The following EYA3 variants were observed in gnomAD, a reference collection of about 807,000 sequenced individuals.
The protein encoded by EYA3 is protein phosphatase EYA3.
A neutral mutation model predicts 80.0 loss-of-function variants in EYA3; 39 were observed. The ratio of observed to expected loss-of-function variants is 0.49; its 90% CI spans 0.38 to 0.64. EYA3 has a LOEUF of 0.64. Ranked by LOEUF, EYA3 falls within the 30% of genes least tolerant of loss-of-function variation. EYA3 has a pLI of 0.00. For synonymous variants in EYA3, 206 were observed against 232.8 expected (o/e 0.88, Z 1.05); for missense variants, 523 against 676.1 (o/e 0.77, Z 2.51).
chr1:27,983,071 G>A (rs905344961), intron 16 of EYA3, among the ~76,000 whole-genome samples: 3 of 151,476 alleles, frequency 2.0e-5, no homozygotes, highest in Non-Finnish European at 4.4e-5. Flanking sequence ...TTACTCAAAG[G>A]TAGAGGTTAG....
At chr1:27,997,447 T>C in intron 12 of EYA3, 69 bp from the exon 13 acceptor site, 3 of 1,326,544 alleles carry the variant, frequency 2.3e-6, no homozygotes, top group Non-Finnish European at 3.3e-6. Flanking sequence ...TGACATACTA[T>C]AAAAAGACCA....
At chr1:28,065,588 T>TA (rs2148916839) in intron 1 of EYA3, among the ~76,000 whole-genome samples, 1 of 151,856 alleles carries the variant, frequency 6.6e-6, no homozygotes, top group South Asian at 2.1e-4. Context: ...AATCTCAGCA[T>TA]ATGATTTTTT....
chr1:27,979,597 T>C (rs1016431689), intron 16 of EYA3, among the ~76,000 whole-genome samples: 1 of 152,212 alleles, frequency 6.6e-6, no homozygotes, highest in Non-Finnish European at 1.5e-5. Flanking sequence ...AGATACTTTA[T>C]TTGTATAAAT....
intron 1 of EYA3, among the ~76,000 whole-genome samples, chr1:28,074,008 T>C (rs1006150799): frequency 4.1e-4 from 63 of 152,116 alleles, no homozygotes; most frequent in African/African-American, 1.4e-3. Context: ...GAACAATAAA[T>C]AGTTTATTTA....
At chr1:28,085,795 G>C (rs531788480) in intron 1 of EYA3, among the ~76,000 whole-genome samples, 2 of 152,170 alleles carry the variant, frequency 1.3e-5, no homozygotes, top group East Asian at 3.9e-4. Flanking sequence ...GTTTTGGTTT[G>C]GCAGCTAGGT....
intron 5 of EYA3, among the ~76,000 whole-genome samples, chr1:28,038,439 T>TAA (rs74525723): frequency 0.077 from 5,226 of 68,174 alleles, 478 homozygotes; most frequent in African/African-American, 0.21. Context: ...GATTCTATCT[T>TAA]AAAAAAAAAA....
At chr1:28,006,211 A>G (rs915482639) in intron 10 of EYA3, among the ~76,000 whole-genome samples, 1 of 152,184 alleles carries the variant, frequency 6.6e-6, no homozygotes, top group African/African-American at 2.4e-5. Context: ...AGGAGTGCAA[A>G]AGGCTTATTG....
intron 1 of EYA3, among the ~76,000 whole-genome samples, chr1:28,074,434 C>T (rs148874259): frequency 3.3e-5 from 5 of 152,100 alleles, no homozygotes; most frequent in African/African-American, 9.6e-5. Flanking sequence ...TAGGGCAAAC[C>T]AAGTGGACTA....
intron 14 of EYA3, among the ~76,000 whole-genome samples, chr1:27,992,137 C>T (rs1025316465): frequency 5.9e-5 from 9 of 152,220 alleles, no homozygotes; most frequent in Admixed American, 2.0e-4. Context: ...CTACTTTCTG[C>T]GCCATATTGT....
intron 1 of EYA3, among the ~76,000 whole-genome samples, chr1:28,081,949 A>G (rs1645445085): frequency 6.6e-6 from 1 of 152,178 alleles, no homozygotes; most frequent in Non-Finnish European, 1.5e-5. Context: ...ATTAAATTAA[A>G]TTGCAGAAGC....
At chr1:28,018,504 G>A (rs928022374) in intron 7 of EYA3, among the ~76,000 whole-genome samples, 12 of 152,188 alleles carry the variant, frequency 7.9e-5, no homozygotes, top group African/African-American at 2.9e-4. Flanking sequence ...AGGTAGACCT[G>A]ACTAACTGAC....
At chr1:28,084,597 T>TA (rs1557659989) in intron 1 of EYA3, among the ~76,000 whole-genome samples, 37 of 15,640 alleles carry the variant, frequency 2.4e-3, no homozygotes, top group South Asian at 6.5e-3. Flanking sequence ...ATATATATAT[T>TA]TTTTTTTTTT....
In EYA3 at chr1:27,971,488, G is replaced by C. The variant is rs1051775799; in HGVS notation, c.*2978C>G. ...GGGCGCCTGTAATCTCAGCTAATCA[G>C]GAGGCTGAGGTAGGAGAATCGCTTG... On this transcript the variant is annotated 3_prime_UTR_variant, in exon 18 of 18. Transcript: ENST00000373871. The C allele has an allele frequency of 6.6e-6, 1 of 152,214 alleles. No individual in the cohort carries two copies. The highest frequency in any genetic ancestry group is 1.9e-4 in the East Asian group (1 of 5,188). 9.4% of individuals were successfully genotyped at this position (152,214 alleles called of 1,614,324 possible).
At chr1:27,975,702 G>T (rs1279530371) in intron 17 of EYA3, among the ~76,000 whole-genome samples, 1 of 150,832 alleles carries the variant, frequency 6.6e-6, no homozygotes, top group Admixed American at 6.6e-5. Context: ...AGCCAGGATG[G>T]TCTTGATCTC....
At chr1:28,018,658 C>T (rs571592028) in intron 7 of EYA3, among the ~76,000 whole-genome samples, 51 of 152,304 alleles carry the variant, frequency 3.3e-4, no homozygotes, top group African/African-American at 7.5e-4. Context: ...TAAGGGTACT[C>T]GGCTTAGAAG....
intron 11 of EYA3, among the ~76,000 whole-genome samples, chr1:28,002,911 G>A (rs1640978544): frequency 6.6e-6 from 1 of 151,826 alleles, no homozygotes; most frequent in South Asian, 2.1e-4. Flanking sequence ...ACTTGAGGCT[G>A]GAGTTCGAGT....
chr1:28,043,330 GA>G (rs59720447), intron 3 of EYA3, among the ~76,000 whole-genome samples: 37,120 of 125,010 alleles, frequency 0.3, 4,760 homozygotes, highest in Non-Finnish European at 0.34. Flanking sequence ...GCTTTTTTGT[GA>G]AAAAAAAAAA....
At chr1:28,015,136 TAA>T (rs1235045946) in intron 8 of EYA3, among the ~76,000 whole-genome samples, 1 of 152,096 alleles carries the variant, frequency 6.6e-6, no homozygotes, top group Non-Finnish European at 1.5e-5. Flanking sequence ...AAAATGGCAA[TAA>T]AATATATGTC....
intron 1 of EYA3, among the ~76,000 whole-genome samples, chr1:28,080,825 A>G (rs975630040): frequency 6.6e-6 from 1 of 152,116 alleles, no homozygotes; most frequent in Non-Finnish European, 1.5e-5. Flanking sequence ...GTCTCGGCTC[A>G]CTGCAACCTC....
Sources: allele counts gnomAD v4.1 joint callset (sites outside exome capture counted in the v4.1 genomes callset), GRCh38; gene constraint gnomAD v4.1.1; transcripts MANE v1.5; gene names NCBI Gene and HGNC (gene_info 2026-07-23, HGNC 2026-07-21).